The following METTL15 variants were observed in gnomAD, a reference collection of about 807,000 sequenced individuals.
The protein encoded by METTL15 is 12S rRNA N(4)-cytidine methyltransferase METTL15.
In METTL15, 34 loss-of-function variants were observed where a neutral mutation model predicts 38.3. The observed-to-expected ratio is 0.89, with a 90% CI of 0.68 to 1.18. The LOEUF is 1.18. Ranked by LOEUF, METTL15 falls within the 50% of genes most tolerant of loss-of-function variation. METTL15 has a pLI of 0.00. For synonymous variants in METTL15, 162 were observed against 170.9 expected (o/e 0.95, Z 0.41); for missense variants, 438 against 498.4 (o/e 0.88, Z 1.15).
At chr11:28,287,548 A>G (rs1856329977) in intron 4 of METTL15, 10 of 312,474 alleles carry the variant, frequency 3.2e-5, no homozygotes, top group Non-Finnish European at 5.5e-5. Flanking sequence ...GCTCGGCCTA[A>G]TAAGAACCTC....
chr11:28,378,783 G>A (rs1223152540), intron 5 of METTL15, among the ~76,000 whole-genome samples: 1 of 87,314 alleles, frequency 1.1e-5, no homozygotes. Context: ...TTTTTTTGAA[G>A]ATTTTGAATA....
chr11:28,447,229 A>G (rs971653597), intron 6 of METTL15, among the ~76,000 whole-genome samples: 5 of 152,066 alleles, frequency 3.3e-5, no homozygotes, highest in African/African-American at 1.2e-4. Flanking sequence ...TTTGGGCCCA[A>G]CTGAATGTAA....
chr11:28,145,443 T>C (rs1279386810), intron 3 of METTL15: 2 of 152,088 alleles, frequency 1.3e-5, no homozygotes, highest in Non-Finnish European at 2.9e-5. Flanking sequence ...GGATCTCTTA[T>C]TGGTAATTTG....
chr11:28,148,056 T>A (rs909188049), intron 3 of METTL15, among the ~76,000 whole-genome samples: 1 of 151,886 alleles, frequency 6.6e-6, no homozygotes, highest in African/African-American at 2.4e-5. Flanking sequence ...TCATGTATAT[T>A]TTGCTCATAG....
intron 6 of METTL15, among the ~76,000 whole-genome samples, chr11:28,448,418 T>G (rs1028588966): frequency 5.3e-5 from 8 of 152,028 alleles, no homozygotes; most frequent in Non-Finnish European, 1.0e-4. Flanking sequence ...GATATGCGAG[T>G]GGACAAAAGG....
chr11:28,129,418 T>TTTTC (rs1371759908), intron 3 of METTL15, among the ~76,000 whole-genome samples: 42 of 152,142 alleles, frequency 2.8e-4, no homozygotes, highest in African/African-American at 9.6e-4. Flanking sequence ...TTTTTTTTTT[T>TTTTC]TTTTCTTTTG....
chr11:28,175,170 TC>T (rs1851017407), intron 3 of METTL15, among the ~76,000 whole-genome samples: 1 of 151,910 alleles, frequency 6.6e-6, no homozygotes, highest in Admixed American at 6.6e-5. Flanking sequence ...ATTGTTCAGT[TC>T]CCACTTATGA....
chr11:28,335,000 T>C (rs1849887897), downstream of METTL15, among the ~76,000 whole-genome samples: 1 of 152,148 alleles, frequency 6.6e-6, no homozygotes, highest in Non-Finnish European at 1.5e-5. Flanking sequence ...ACTGAACAAG[T>C]TTTCTACTAT....
intron 5 of METTL15, among the ~76,000 whole-genome samples, chr11:28,362,310 A>C (rs1396870466): frequency 6.6e-6 from 1 of 152,200 alleles, no homozygotes; most frequent in Non-Finnish European, 1.5e-5. Context: ...TGAAACATTA[A>C]AACCTACTGC....
intron 4 of METTL15, among the ~76,000 whole-genome samples, chr11:28,225,000 A>G (rs1279699824): frequency 6.6e-6 from 1 of 151,656 alleles, no homozygotes; most frequent in Non-Finnish European, 1.5e-5. Context: ...TGACTTTAGT[A>G]TTTTTTAAGA....
intron 6 of METTL15, among the ~76,000 whole-genome samples, chr11:28,438,391 C>T (rs766367162): frequency 1.5e-4 from 23 of 152,182 alleles, no homozygotes; most frequent in Non-Finnish European, 2.4e-4. Context: ...TGTCCTACAT[C>T]GGGTTGTCTG....
intron 6 of METTL15, among the ~76,000 whole-genome samples, chr11:28,475,312 C>T (rs1391840817): frequency 6.6e-6 from 1 of 152,150 alleles, no homozygotes; most frequent in Non-Finnish European, 1.5e-5. Context: ...ATCCTCTTCA[C>T]CAGCTTGGTG....
At chr11:28,443,789 G>A (rs1043894939) in intron 6 of METTL15, among the ~76,000 whole-genome samples, 1 of 152,174 alleles carries the variant, frequency 6.6e-6, no homozygotes, top group African/African-American at 2.4e-5. Context: ...CAGATTCTTA[G>A]TGATGCCCAT....
chr11:28,449,996 T>C (rs761698266), intron 6 of METTL15, among the ~76,000 whole-genome samples: 4 of 152,160 alleles, frequency 2.6e-5, no homozygotes, highest in Non-Finnish European at 2.9e-5. Flanking sequence ...ACCCATAAAA[T>C]TGAGAGCAAA....
chr11:28,191,221 A>G (rs1204520214), intron 3 of METTL15, among the ~76,000 whole-genome samples: 1 of 151,424 alleles, frequency 6.6e-6, no homozygotes, highest in East Asian at 1.9e-4. Context: ...TTAACTATAT[A>G]TAAATTGAAG....
chr11:28,204,998 G>A (rs1056814483), intron 3 of METTL15, among the ~76,000 whole-genome samples: 9 of 151,940 alleles, frequency 5.9e-5, no homozygotes, highest in African/African-American at 2.2e-4. Context: ...GTATAGATGA[G>A]ATCCATAGAA....
chr11:28,235,056 A>C (rs1236229794), intron 4 of METTL15, among the ~76,000 whole-genome samples: 2 of 152,174 alleles, frequency 1.3e-5, no homozygotes, highest in Non-Finnish European at 2.9e-5. Context: ...CATTTATTAA[A>C]TAGGGACTCC....
At chr11:28,133,562 A>G (rs1167558800) in intron 3 of METTL15, among the ~76,000 whole-genome samples, 1 of 152,200 alleles carries the variant, frequency 6.6e-6, no homozygotes, top group Non-Finnish European at 1.5e-5. Flanking sequence ...CAAAAATGAT[A>G]GTGTGCAACT....
intron 3 of METTL15, among the ~76,000 whole-genome samples, chr11:28,177,430 T>C (rs1308404391): frequency 6.6e-6 from 1 of 152,016 alleles, no homozygotes; most frequent in Non-Finnish European, 1.5e-5. Context: ...AAAGCAGATG[T>C]TTCATTCGAG....
Sources: gnomAD v4.1 joint callset for allele counts (sites outside exome capture counted in the v4.1 genomes callset) on GRCh38, gnomAD v4.1.1 for gene constraint, MANE v1.5 for transcripts, NCBI Gene and HGNC (gene_info 2026-07-23, HGNC 2026-07-21) for gene names.